The following UBAC2 variants were observed in gnomAD, a reference collection of about 807,000 sequenced individuals.
UBAC2 encodes the protein ubiquitin-associated domain-containing protein 2.
In UBAC2, 26 loss-of-function variants were observed where a neutral mutation model predicts 44.0. The ratio of observed to expected loss-of-function variants is 0.59; its 90% confidence interval spans 0.43 to 0.82. The LOEUF (loss-of-function observed/expected upper bound fraction) is 0.82. UBAC2 is among the 40% of genes least tolerant of loss of function. The probability of loss-of-function intolerance (pLI) is 0.00; values close to 1 mark genes in which losing one functional copy is unlikely to be tolerated. For synonymous variants in UBAC2, 155 were observed against 154.3 expected, an observed-to-expected ratio of 1.00 and a Z score of -0.04; for missense variants, 329 against 419.4, an observed-to-expected ratio of 0.78 and a Z score of 1.88.
intron 2 of UBAC2, among the ~76,000 whole-genome samples, chr13:99,239,908 G>A (rs1307264374): frequency 6.6e-6 from 1 of 152,126 alleles, no homozygotes; most frequent in African/African-American, 2.4e-5. Flanking sequence ...CCAGTATTGG[G>A]GGCCTACCTC....
chr13:99,314,260 A>ATATT, intron 5 of UBAC2, 40 bp downstream of exon 5: 3 of 1,245,004 alleles, frequency 2.4e-6, no homozygotes, highest in African/African-American at 2.3e-5. Flanking sequence ...CTTTAACCAG[A>ATATT]TCTTTTTTTT....
At chr13:99,279,908 A>G (rs1275832684) in intron 4 of UBAC2, among the ~76,000 whole-genome samples, 1 of 152,244 alleles carries the variant, frequency 6.6e-6, no homozygotes, top group Non-Finnish European at 1.5e-5. Context: ...TAACATGTGA[A>G]TTTGGAGAGG....
At chr13:99,259,163 C>T (rs111714850) in intron 4 of UBAC2, among the ~76,000 whole-genome samples, 1,524 of 152,212 alleles carry the variant, frequency 0.01, 29 homozygotes, top group African/African-American at 0.035. Flanking sequence ...GAATCGCTGC[C>T]TGCCTTGTTA....
chr13:99,364,229 A>G (rs537331588), intron 7 of UBAC2, among the ~76,000 whole-genome samples: 4 of 151,832 alleles, frequency 2.6e-5, no homozygotes, highest in African/African-American at 9.7e-5. Flanking sequence ...ATGAATGGGT[A>G]TTGAATTTTG....
At chr13:99,330,175 G>A (rs1466261859) in intron 6 of UBAC2, among the ~76,000 whole-genome samples, 1 of 151,942 alleles carries the variant, frequency 6.6e-6, no homozygotes, top group Non-Finnish European at 1.5e-5. Flanking sequence ...AAATACAGCT[G>A]ATTGGCTGGG....
At chr13:99,201,549 T>A in intron 1 of UBAC2, 8 of 1,614,092 alleles carry the variant, frequency 5.0e-6, no homozygotes, top group Non-Finnish European at 6.8e-6. Flanking sequence ...TTTCCTGGCG[T>A]GTTAGCGGTG....
intron 1 of UBAC2, among the ~76,000 whole-genome samples, chr13:99,202,171 C>T (rs2042812060): frequency 6.6e-6 from 1 of 152,034 alleles, no homozygotes; most frequent in African/African-American, 2.4e-5. Context: ...AGTATCAGCG[C>T]CACAGGCATA....
Position 99,238,065 on chromosome 13 carries a change from T to C in UBAC2, c.32-362T>C, listed in dbSNP as rs2043259136. ...AAATGTATTTTTATATATGTATGAG[T>C]TTTGTGCATGCTCAGGAGCTAACTG... is the stretch of plus-strand genomic sequence containing the variant. On this transcript the variant is annotated intron_variant, in intron 1 of 8. Transcript: ENST00000403766. Among the ~76,000 whole-genome samples, 4 of 152,276 alleles carry C rather than the reference T, an allele frequency of 2.6e-5. No individual in the cohort carries two copies. In the South Asian group the frequency reaches 8.3e-4, roughly 32 times the overall value.
At chr13:99,383,494 C>G (rs1219164076) in intron 8 of UBAC2, among the ~76,000 whole-genome samples, 1 of 152,238 alleles carries the variant, frequency 6.6e-6, no homozygotes, top group Non-Finnish European at 1.5e-5. Context: ...CAGCCCTGGG[C>G]AGCTGAGCAT....
chr13:99,333,886 ACTC>A (rs2044750690), intron 6 of UBAC2, among the ~76,000 whole-genome samples: 1 of 151,910 alleles, frequency 6.6e-6, no homozygotes, highest in Non-Finnish European at 1.5e-5. Context: ...CAAATTGTGA[ACTC>A]CTTAAATACT....
intron 1 of UBAC2, among the ~76,000 whole-genome samples, chr13:99,206,511 C>G (rs2042874382): frequency 6.6e-6 from 1 of 152,200 alleles, no homozygotes; most frequent in Non-Finnish European, 1.5e-5. Flanking sequence ...GCCTCTGATC[C>G]CTCCTTGTCT....
chr13:99,358,385 C>T lies in UBAC2; in HGVS notation c.808-9402C>T, dbSNP rs559962081. Among the ~76,000 whole-genome samples, 638 of 152,174 alleles carry T rather than the reference C, an allele frequency of 4.2e-3. 3 individuals carry two copies. Among genetic ancestry groups the T allele is most frequent in the South Asian group, 0.029 (140 of 4,818 alleles). On this transcript the variant is annotated intron_variant, in intron 7 of 8. Transcript: ENST00000403766. ...AAAAACCAGAGTAACAGAACAAAAT[C>T]GAATGCAGAAGCAGATGGGAGAATC...
intron 7 of UBAC2, chr13:99,351,362 C>T (rs2045085109): frequency 2.8e-6 from 1 of 353,878 alleles, no homozygotes; most frequent in Non-Finnish European, 5.5e-6. Context: ...TGTTTTTGTA[C>T]AATCTGAAGC....
rs73568050 is a variant in UBAC2, at chr13:99,300,385, C to T, written c.390-13712C>T. ...TGAAGGATGATTCCGCTAGCTGGCC[C>T]TAATATGTCACTTTAGTTCTTGCTT... On this transcript the variant is annotated intron_variant, in intron 4 of 8. Transcript: ENST00000403766. Among the ~76,000 whole-genome samples the T allele has an allele frequency of 1.0e-2, 1,517 of 152,310 alleles. 29 individuals carry two copies. The highest frequency in any genetic ancestry group is 0.035 in the African/African-American group (1,468 of 41,556).
chr13:99,330,161 G>A (rs2044694470), intron 6 of UBAC2, among the ~76,000 whole-genome samples: 1 of 152,020 alleles, frequency 6.6e-6, no homozygotes, highest in African/African-American at 2.4e-5. Flanking sequence ...TCACTAGTGT[G>A]TAGAAATACA....
Position 99,292,718 on chromosome 13 carries a change from G to GGT in UBAC2, c.390-21379_390-21378insGT, listed in dbSNP as rs1555327230. On this transcript the variant is annotated intron_variant, in intron 4 of 8. Transcript: ENST00000403766. The stretch of plus-strand genomic sequence containing the variant: ...TGATCCAAACTAAATAGCTTTGAGG[G>GGT]TTTTTTTTTTTAATGTGGTCAACTG... 1.3e-4 allele frequency among the ~76,000 whole-genome samples: 19 copies of GGT among 148,124 alleles called. No individual in the cohort carries two copies. The East Asian group carries it at 1.8e-3, about 14-fold the overall frequency.
At chr13:99,297,004 A>G (rs953250308) in intron 4 of UBAC2, among the ~76,000 whole-genome samples, 8 of 152,178 alleles carry the variant, frequency 5.3e-5, no homozygotes, top group Admixed American at 3.9e-4. Flanking sequence ...ATGTCAGTGC[A>G]ATGTATATAT....
intron 6 of UBAC2, among the ~76,000 whole-genome samples, chr13:99,330,287 C>T (rs979561660): frequency 1.3e-5 from 2 of 151,252 alleles, no homozygotes; most frequent in African/African-American, 4.9e-5. Context: ...GGTGAAACCC[C>T]ATCTCTACTA....
chr13:99,373,681 G>A (rs2045440420), intron 8 of UBAC2, among the ~76,000 whole-genome samples: 2 of 152,170 alleles, frequency 1.3e-5, no homozygotes, highest in Admixed American at 1.3e-4. Flanking sequence ...CAAGTACATG[G>A]GAGGTGGGGA....
Sources: allele counts gnomAD v4.1 joint callset (sites outside exome capture counted in the v4.1 genomes callset), GRCh38; gene constraint gnomAD v4.1.1; transcripts MANE v1.5; gene names NCBI Gene and HGNC (gene_info 2026-07-23, HGNC 2026-07-21).